Variants in TNFAIP8 observed in about 807,000 individuals in gnomAD.
TNFAIP8 encodes the protein tumor necrosis factor alpha-induced protein 8.
Under a neutral mutation model 13.3 loss-of-function variants are expected in TNFAIP8, and 7 were observed. The observed-to-expected ratio is 0.52, with a 90% CI of 0.30 to 0.99. TNFAIP8 has a LOEUF of 0.99. Ranked by LOEUF, TNFAIP8 falls within the 50% of genes least tolerant of loss-of-function variation. TNFAIP8 has a pLI of 0.07. For missense variants in TNFAIP8, 258 were observed against 236.9 expected (o/e 1.09, Z -0.58); for synonymous variants, 94 against 87.6 (o/e 1.07, Z -0.41).
intron 1 of TNFAIP8, among the ~76,000 whole-genome samples, chr5:119,371,055 T>C (rs1752050939): frequency 6.6e-6 from 1 of 152,248 alleles, no homozygotes; most frequent in South Asian, 2.1e-4. Context: ...TCATGTTAGC[T>C]AGTGTCAAAA....
At chr5:119,285,993 C>T (rs1024571606) in intron 1 of TNFAIP8, among the ~76,000 whole-genome samples, 2 of 151,982 alleles carry the variant, frequency 1.3e-5, no homozygotes, top group African/African-American at 2.4e-5. Context: ...GAACAACATA[C>T]TGTTAGTAGT....
At chr5:119,281,600 A>C (rs1046723328) in intron 1 of TNFAIP8, among the ~76,000 whole-genome samples, 9 of 152,236 alleles carry the variant, frequency 5.9e-5, no homozygotes, top group Non-Finnish European at 1.0e-4. Context: ...GAAAACAATA[A>C]AAATAATTTC....
chr5:119,315,644 G>A (rs1186155478), intron 1 of TNFAIP8, among the ~76,000 whole-genome samples: 4 of 152,202 alleles, frequency 2.6e-5, no homozygotes, highest in African/African-American at 9.7e-5. Context: ...ACACACTGAG[G>A]AAGCTGGCAG....
At chr5:119,308,697 A>T (rs892389716) in intron 1 of TNFAIP8, among the ~76,000 whole-genome samples, 1 of 151,800 alleles carries the variant, frequency 6.6e-6, no homozygotes. Context: ...CCCCATCTCT[A>T]CTAAAACTAC....
intron 1 of TNFAIP8, among the ~76,000 whole-genome samples, chr5:119,336,323 C>G (rs1316281667): frequency 6.6e-6 from 1 of 152,210 alleles, no homozygotes; most frequent in African/African-American, 2.4e-5. Flanking sequence ...CTCTGGCACT[C>G]TTCCGGCCAC....
At chr5:119,364,498 C>T (rs1751756812) in intron 1 of TNFAIP8, among the ~76,000 whole-genome samples, 1 of 152,048 alleles carries the variant, frequency 6.6e-6, no homozygotes, top group African/African-American at 2.4e-5. Context: ...CAGGTGCATA[C>T]CACCTGCCCA....
chr5:119,366,210 G>A (rs890019868), intron 1 of TNFAIP8, among the ~76,000 whole-genome samples: 13 of 152,058 alleles, frequency 8.5e-5, no homozygotes, highest in African/African-American at 3.1e-4. Context: ...ATAGGCAAGA[G>A]ACCATTGTAA....
upstream of TNFAIP8, among the ~76,000 whole-genome samples, chr5:119,353,144 C>G (rs1751239749): frequency 6.6e-6 from 1 of 152,166 alleles, no homozygotes; most frequent in Non-Finnish European, 1.5e-5. Context: ...GGTATGACTT[C>G]CATACATGTT....
At chr5:119,322,180 T>C (rs1331437237) in intron 1 of TNFAIP8, among the ~76,000 whole-genome samples, 1 of 152,234 alleles carries the variant, frequency 6.6e-6, no homozygotes, top group Admixed American at 6.5e-5. Flanking sequence ...GCCTCTGGTT[T>C]GTTTTTTCCC....
At chr5:119,392,118 C>G (rs1752915840) in intron 1 of TNFAIP8, among the ~76,000 whole-genome samples, 2 of 152,238 alleles carry the variant, frequency 1.3e-5, no homozygotes, top group South Asian at 4.1e-4. Context: ...TGACAATGAG[C>G]TCTCCAAGGA....
intron 1 of TNFAIP8, among the ~76,000 whole-genome samples, chr5:119,279,330 G>A (rs1748560568): frequency 6.6e-6 from 1 of 152,106 alleles, no homozygotes; most frequent in Admixed American, 6.5e-5. Flanking sequence ...AACTCTCAAA[G>A]GCTGTTGCCT....
At chr5:119,392,327 A>G (rs995902935) in intron 1 of TNFAIP8, among the ~76,000 whole-genome samples, 8 of 152,240 alleles carry the variant, frequency 5.3e-5, no homozygotes, top group African/African-American at 1.9e-4. Flanking sequence ...TTCCATTTAA[A>G]TGAATTTCTT....
chr5:119,354,260 C>T (rs905355234), upstream of TNFAIP8: 3 of 152,188 alleles, frequency 2.0e-5, no homozygotes, highest in Non-Finnish European at 4.4e-5. Context: ...GTTACCCTTT[C>T]GGTGGCGAGG....
At chr5:119,299,821 C>A (rs1163800808) in intron 1 of TNFAIP8, among the ~76,000 whole-genome samples, 1 of 152,208 alleles carries the variant, frequency 6.6e-6, no homozygotes, top group African/African-American at 2.4e-5. Context: ...TGGCGGGCGC[C>A]CTTCCCCCAG....
chr5:119,293,832 A>G (rs1411527878), intron 1 of TNFAIP8, among the ~76,000 whole-genome samples: 2 of 152,184 alleles, frequency 1.3e-5, no homozygotes, highest in East Asian at 3.8e-4. Context: ...TTCTACTTTC[A>G]TGAATGCTTG....
chr5:119,345,801 C>T (rs1750878810), intron 1 of TNFAIP8, among the ~76,000 whole-genome samples: 1 of 152,094 alleles, frequency 6.6e-6, no homozygotes, highest in Non-Finnish European at 1.5e-5. Context: ...GATTGTACAA[C>T]AATGTGAATG....
chr5:119,392,431 C>A (rs1752928228), intron 1 of TNFAIP8, among the ~76,000 whole-genome samples: 1 of 152,090 alleles, frequency 6.6e-6, no homozygotes, highest in Admixed American at 6.5e-5. Flanking sequence ...CGCTGTGTCA[C>A]CCAGGCTGGA....
intron 1 of TNFAIP8, among the ~76,000 whole-genome samples, chr5:119,299,923 T>A (rs35623432): frequency 0.14 from 20,956 of 152,110 alleles, 3,843 homozygotes; most frequent in African/African-American, 0.42. Context: ...CAGGTGCGGG[T>A]TATAATCTCT....
In TNFAIP8 at chr5:119,290,194, A is replaced by G. The variant is rs1748938232; in HGVS notation, c.1+21287A>G. On this transcript the variant is annotated intron_variant, in intron 1 of 1. Coordinates refer to the TNFAIP8 transcript ENST00000274456. ...GTCTGTTGCTGCATAACAGATTACT[A>G]AAACTTAGTAGCTAAAAACAACAAA... 3.3e-5 allele frequency among the ~76,000 whole-genome samples: 5 copies of G among 151,574 alleles called. No individual in the cohort carries two copies. The South Asian group carries it at 1.0e-3, about 31-fold the overall frequency.
Sources: gnomAD v4.1 joint callset for allele counts (sites outside exome capture counted in the v4.1 genomes callset) on GRCh38, gnomAD v4.1.1 for gene constraint, MANE v1.5 for transcripts, NCBI Gene and HGNC (gene_info 2026-07-23, HGNC 2026-07-21) for gene names.